The following DYM variants were observed in gnomAD, a reference collection of about 807,000 sequenced individuals.
DYM encodes dymeclin, also known as dyggve-Melchior-Clausen syndrome protein.
In DYM, 78 loss-of-function variants were observed where a neutral mutation model predicts 93.1. The ratio of observed to expected loss-of-function variants is 0.84; its 90% CI spans 0.70 to 1.01. DYM has a LOEUF of 1.01. DYM is among the 50% of genes least tolerant of loss of function. DYM has a pLI of 0.00. For missense variants in DYM, 789 were observed against 845.0 expected, an observed-to-expected ratio of 0.93 and a Z score of 0.82; for synonymous variants, 321 against 319.7, an observed-to-expected ratio of 1.00 and a Z score of -0.04.
chr18:49,070,113 TAATA>T (rs1203971032), intron 17 of DYM, among the ~76,000 whole-genome samples: 1 of 152,158 alleles, frequency 6.6e-6, no homozygotes, highest in Non-Finnish European at 1.5e-5. Flanking sequence ...GCTCCCTGAT[TAATA>T]AAGTACAAGA....
At chr18:49,295,371 C>A (rs2060457478) in intron 8 of DYM, among the ~76,000 whole-genome samples, 2 of 152,150 alleles carry the variant, frequency 1.3e-5, no homozygotes, top group Non-Finnish European at 2.9e-5. Flanking sequence ...CTTGAAGCAA[C>A]AAAATATGTC....
intron 10 of DYM, 150 bp downstream of exon 10, chr18:49,281,847 A>G: frequency 1.5e-6 from 1 of 674,256 alleles, no homozygotes; most frequent in Middle Eastern, 4.4e-4. Flanking sequence ...CGATATACCT[A>G]ATGTTAAATG....
intron 3 of DYM, among the ~76,000 whole-genome samples, chr18:49,390,539 G>A (rs1053739767): frequency 7.9e-5 from 12 of 151,066 alleles, no homozygotes; most frequent in African/African-American, 2.7e-4. Flanking sequence ...ACAGAGTCTC[G>A]CTCTGTCGCC....
intron 8 of DYM, among the ~76,000 whole-genome samples, chr18:49,326,163 C>G (rs1209529681): frequency 2.6e-5 from 4 of 152,046 alleles, no homozygotes; most frequent in African/African-American, 7.2e-5. Flanking sequence ...TTTAAGTATG[C>G]CAGGTGGTTC....
intron 8 of DYM, among the ~76,000 whole-genome samples, chr18:49,300,011 C>G (rs1057185049): frequency 6.8e-6 from 1 of 146,618 alleles, no homozygotes; most frequent in Non-Finnish European, 1.5e-5. Context: ...CCACTGCACT[C>G]CAGCCTGGTG....
chr18:49,213,266 A>G (rs1247389156), intron 13 of DYM, among the ~76,000 whole-genome samples: 2 of 152,062 alleles, frequency 1.3e-5, no homozygotes, highest in African/African-American at 2.4e-5. Context: ...TAATAAAATT[A>G]TAACACATTT....
intron 5 of DYM, among the ~76,000 whole-genome samples, chr18:49,366,686 CCAGA>C (rs2066546420): frequency 6.6e-6 from 1 of 152,150 alleles, no homozygotes; most frequent in African/African-American, 2.4e-5. Flanking sequence ...CACAATAGGT[CCAGA>C]CAAATATTTT....
chr18:49,150,556 T>C (rs1008709518), intron 15 of DYM, among the ~76,000 whole-genome samples: 1 of 152,232 alleles, frequency 6.6e-6, no homozygotes, highest in African/African-American at 2.4e-5. Context: ...TGACACTCCA[T>C]CTTGGGCTTT....
At chr18:49,415,927 C>CAAAA (rs80304487) in intron 2 of DYM, among the ~76,000 whole-genome samples, 1 of 84,490 alleles carries the variant, frequency 1.2e-5, no homozygotes, top group African/African-American at 4.5e-5. Flanking sequence ...AACTCTGACT[C>CAAAA]AAAAAAAAAA....
At chr18:49,217,550 G>A (rs1416607069) in intron 13 of DYM, among the ~76,000 whole-genome samples, 1 of 152,226 alleles carries the variant, frequency 6.6e-6, no homozygotes, top group Non-Finnish European at 1.5e-5. Context: ...ACTAACAGCG[G>A]ATCTCTCGGC....
chr18:49,431,153 A>T (rs1342759387), intron 1 of DYM, among the ~76,000 whole-genome samples: 1 of 152,252 alleles, frequency 6.6e-6, no homozygotes, highest in Non-Finnish European at 1.5e-5. Flanking sequence ...AGTAATTACC[A>T]TGTGCTACTT....
At chr18:49,286,082 C>A (rs1241804914) in intron 9 of DYM, among the ~76,000 whole-genome samples, 2 of 150,596 alleles carry the variant, frequency 1.3e-5, no homozygotes, top group South Asian at 4.2e-4. Flanking sequence ...ATTTTTAGTT[C>A]TATAAAACTC....
chr18:49,243,071 C>T (rs1207111270), intron 13 of DYM, among the ~76,000 whole-genome samples: 9 of 152,170 alleles, frequency 5.9e-5, no homozygotes, highest in Non-Finnish European at 1.3e-4. Context: ...GAGCTGCCTC[C>T]TCGCTACTTT....
intron 17 of DYM, among the ~76,000 whole-genome samples, chr18:49,065,772 C>T (rs2076340091): frequency 6.6e-6 from 1 of 151,990 alleles, no homozygotes; most frequent in African/African-American, 2.4e-5. Context: ...TTCCACAATC[C>T]AAACATATAA....
At chr18:49,214,991 C>T (rs12326451) in intron 13 of DYM, among the ~76,000 whole-genome samples, 5,532 of 152,198 alleles carry the variant, frequency 0.036, 322 homozygotes, top group African/African-American at 0.12. Context: ...GTGAGATGTT[C>T]GCACTGCTCT....
intron 17 of DYM, among the ~76,000 whole-genome samples, chr18:49,091,108 T>C (rs771460834): frequency 5.3e-5 from 8 of 152,198 alleles, no homozygotes; most frequent in Non-Finnish European, 1.2e-4. Context: ...AGCAGCACTT[T>C]ATGGTCAACA....
At chr18:49,295,185 T>C (rs191095710) in intron 8 of DYM, among the ~76,000 whole-genome samples, 8 of 152,280 alleles carry the variant, frequency 5.3e-5, no homozygotes, top group African/African-American at 4.8e-5. Context: ...TACATAAGTA[T>C]AGTAAAATAA....
chr18:49,435,120 A>C (rs1393712354), intron 1 of DYM, among the ~76,000 whole-genome samples: 2 of 151,248 alleles, frequency 1.3e-5, no homozygotes, highest in East Asian at 3.9e-4. Flanking sequence ...AGGCACGAGA[A>C]TCACTTGAAC....
At chr18:49,251,812 A>G (rs2094294033) in intron 13 of DYM, among the ~76,000 whole-genome samples, 1 of 152,144 alleles carries the variant, frequency 6.6e-6, no homozygotes, top group Admixed American at 6.5e-5. Flanking sequence ...TTCAGAGGCT[A>G]TGTGCTTATC....
Sources: allele counts gnomAD v4.1 joint callset (sites outside exome capture counted in the v4.1 genomes callset), GRCh38; gene constraint gnomAD v4.1.1; transcripts MANE v1.5; gene names NCBI Gene and HGNC (gene_info 2026-07-23, HGNC 2026-07-21).